Variants in MRI1 observed in about 807,000 individuals in gnomAD.
MRI1 encodes the protein methylthioribose-1-phosphate isomerase.
In MRI1, 32 loss-of-function variants were observed where a neutral mutation model predicts 27.3. The observed-to-expected ratio is 1.17, with a 90% CI of 0.88 to 1.57. The LOEUF (loss-of-function observed/expected upper bound fraction) is 1.57. Among genes scored for constraint, MRI1 ranks in the 40% most tolerant of loss-of-function variants. The probability of loss-of-function intolerance (pLI) is 0.00; values close to 1 mark genes in which losing one functional copy is unlikely to be tolerated. For synonymous variants in MRI1, 216 were observed against 227.4 expected, an observed-to-expected ratio of 0.95 and a Z score of 0.45; for missense variants, 508 against 516.1, an observed-to-expected ratio of 0.98 and a Z score of 0.15.
At position 13,767,025 on chromosome 19, in the gene MRI1, ATATATATATATATTTTTTTTTTTTTTTT is replaced by A. The variant is rs1406055078; in HGVS notation, c.547+898_547+925del. Among the ~76,000 whole-genome samples, 31 of 13,722 alleles carry A rather than the reference ATATATATATATATTTTTTTTTTTTTTTT, an allele frequency of 2.3e-3. 1 individual carries two copies. Among genetic ancestry groups the A allele is most frequent in the South Asian group, 3.4e-3 (1 of 298 alleles). The allele number at this position is 13,722 out of a possible 152,430, so 9.0% of individuals were successfully genotyped here. On this transcript the variant is annotated intron_variant, in intron 3 of 5. Coordinates refer to ENST00000040663, the MANE Select transcript of MRI1 (RefSeq NM_001031727.4). ...CACATCCACATATATATATATATAT[ATATATATATATATTTTTTTTTTTTTTTT>A]TTTTTTTTTTTTTGAGACAGAGTCT...
chr19:13,765,895 G>A, intron 2 of MRI1, 59 bp from the exon 3 acceptor site: 1 of 1,525,866 alleles, frequency 6.6e-7, no homozygotes, highest in Non-Finnish European at 8.9e-7. Flanking sequence ...GCAGAGAGGA[G>A]GCGTTGGCCT....
intron 5 of MRI1, among the ~76,000 whole-genome samples, chr19:13,769,292 T>C (rs1476869809): frequency 6.6e-6 from 1 of 152,180 alleles, no homozygotes; most frequent in Non-Finnish European, 1.5e-5. Context: ...GCCCCCCAAG[T>C]AGCTGGGACT....
intron 3 of MRI1, among the ~76,000 whole-genome samples, chr19:13,767,029 ATATATATATTTTTTTTTTTTTTT>A (rs1974144431): frequency 4.7e-5 from 2 of 42,260 alleles, no homozygotes; most frequent in African/African-American, 1.2e-4. Flanking sequence ...ATATATATAT[ATATATATATTTTTTTTTTTTTTT>A]TTTTTTTTTT....
rs143669512 is a variant in MRI1 at position 13,766,056 on chromosome 19, C to T, written c.474C>T (p.Ser158=). The T allele has an allele frequency of 5.6e-4, 906 of 1,612,932 alleles. 1 individual carries two copies. The highest frequency in any genetic ancestry group is 6.7e-4 in the Non-Finnish European group (790 of 1,179,782). Residue 158 remains serine, a synonymous_variant, in exon 3 of 6, where the codon AGC becomes AGT. Transcript: ENST00000040663. ...ACCTCCTGGAGCGGGTGGCCCCCAG[C>T]GGTGGCAAGGTGACTGTGCTGACCC... The part of the protein sequence containing the change: ...ARHLLERVAP[S]GGKVTVLTHC...
chr19:13,767,752 CAG>C (rs1974169542), intron 3 of MRI1, among the ~76,000 whole-genome samples: 1 of 151,632 alleles, frequency 6.6e-6, no homozygotes, highest in Non-Finnish European at 1.5e-5. Flanking sequence ...ATTTTGGAGA[CAG>C]AGTCTTGCTC....
At chr19:13,771,367 C>G (rs1974265246) in intron 5 of MRI1, among the ~76,000 whole-genome samples, 1 of 151,040 alleles carries the variant, frequency 6.6e-6, no homozygotes, top group Admixed American at 6.6e-5. Flanking sequence ...AACTCCATCT[C>G]AAAAAAACAA....
chr19:13,770,762 A>C (rs563144743), intron 5 of MRI1, among the ~76,000 whole-genome samples: 3 of 152,230 alleles, frequency 2.0e-5, no homozygotes, highest in African/African-American at 7.2e-5. Context: ...ACATGCCTGT[A>C]ACCCCAGCTA....
Position 13,768,591 on chromosome 19 carries a change from G to T in MRI1, c.578G>T (p.Arg193Leu). ...ATTCGCTCACTGCACAGCCTGGGCC[G>T]CCTGGAGCATGCCTTCTGCACAGAG... ...GVIRSLHSLG[R>L]LEHAFCTETR... Residue 193 changes from arginine (R) to leucine (L), a missense_variant, in exon 4 of 6, where the codon CGC (arginine) becomes CTC (leucine). Coordinates refer to ENST00000040663, the MANE Select transcript of MRI1 (RefSeq NM_001031727.4). The T allele has an allele frequency of 6.2e-7, 1 of 1,610,320 alleles. No individual in the cohort carries two copies. The highest frequency in any genetic ancestry group is 2.2e-5 in the East Asian group (1 of 44,714).
chr19:13,768,660 T>C lies in MRI1; in HGVS notation c.647T>C (p.Leu216Pro). 2 of 1,613,946 alleles carry C rather than the reference T, an allele frequency of 1.2e-6. No individual in the cohort carries two copies. Among genetic ancestry groups the C allele is most frequent in the Non-Finnish European group, 1.7e-6 (2 of 1,180,006 alleles). ...GGAGCCCGGCTGACGGCCTTTGAGC[T>C]GGTCTATGAGCAGATCCCCGCCACC... ...NQGARLTAFE[L>P]VYEQIPATLI... The change falls in exon 4 of 6, where the codon CTG becomes CCG. Residue 216 changes from leucine (L) to proline (P), a missense_variant. Transcript: ENST00000040663.
At position 13,772,210 on chromosome 19, in the gene MRI1, GA is replaced by G. The variant is rs781400418; in HGVS notation, c.1040del (p.Glu347GlyfsTer7). On this transcript the variant is annotated frameshift_variant, in exon 6 of 6. Transcript: ENST00000040663. LOFTEE classifies it low-confidence loss of function (END_TRUNC). ...CACAGAACTGGGGGTCTTTGCCCCT[GA>G]GGAGCTCCGGACAGCCCTAACCACC... ...IITELGVFAP[E>X]ELRTALTTTI... 287 of 1,614,108 alleles carry G rather than the reference GA, an allele frequency of 1.8e-4. 5 individuals carry two copies. The South Asian group carries it at 3.1e-3, about 17-fold the overall frequency.
chr19:13,764,668 A>G lies in MRI1; in HGVS notation c.80A>G (p.Tyr27Cys). ...CTGCTGCTGCCCAAGCAGAGCCGCT[A>G]CGAGGCGGTGGGCTCGGTGCACCAG... ...DQLLLPKQSR[Y>C]EAVGSVHQAW... The change falls in exon 1 of 6, where the codon TAC (tyrosine) becomes TGC (cysteine). Residue 27 changes from tyrosine to cysteine, a missense_variant. Coordinates refer to ENST00000040663, the MANE Select transcript of MRI1 (RefSeq NM_001031727.4). 1 of 1,599,268 alleles carries G rather than the reference A, an allele frequency of 6.3e-7. No homozygotes were observed. The highest frequency in any genetic ancestry group is 8.5e-7 in the Non-Finnish European group (1 of 1,175,712).
At chr19:13,765,146 G>C (rs1319406264) in intron 2 of MRI1, 37 bp downstream of exon 2, 1 of 1,447,580 alleles carries the variant, frequency 6.9e-7, no homozygotes, top group Non-Finnish European at 9.2e-7. Flanking sequence ...CGCTGAGCAG[G>C]AATTATATTG....
intron 1 of MRI1, 40 bp from the exon 2 acceptor site, chr19:13,764,831 C>G: frequency 7.8e-7 from 1 of 1,276,694 alleles, no homozygotes; most frequent in Non-Finnish European, 9.9e-7. Flanking sequence ...GGAGTGCGCC[C>G]GCGCCTGCAG....
In MRI1 at chr19:13,772,124, T is replaced by C. The variant is rs762769171; in HGVS notation, c.953T>C (p.Ile318Thr). 8 of 1,612,118 alleles carry C rather than the reference T, an allele frequency of 5.0e-6. No homozygotes were observed. The highest frequency in any genetic ancestry group is 2.2e-5 in the South Asian group (2 of 90,758). The change falls in exon 6 of 6, where the codon ATT (isoleucine) becomes ACT (threonine). Residue 318 changes from isoleucine to threonine, a missense_variant. Physicochemically the swap from Ile to Thr is moderately conservative, Grantham distance 89. This residue lies in a region of MRI1 where 457 missense variants were observed against 452.8 expected (regional missense o/e 1.01). Coordinates refer to ENST00000040663, the MANE Select transcript of MRI1 (RefSeq NM_001031727.4). ...VNGVRIAAPGIGVWNPAFDVT... is the reference protein window; with the variant it reads ...VNGVRIAAPGTGVWNPAFDVT... ...GCCTCCCCTCTCTCCCCTGCAGGGA[T>C]TGGAGTTTGGAATCCTGCCTTCGAT...
At chr19:13,768,271 C>A in intron 3 of MRI1, 1 of 749,900 alleles carries the variant, frequency 1.3e-6, no homozygotes. Flanking sequence ...ATGCTAAGGA[C>A]AGAGAGCAGG....
intron 3 of MRI1, among the ~76,000 whole-genome samples, chr19:13,768,150 G>C (rs553001835): frequency 5.3e-5 from 8 of 152,070 alleles, no homozygotes; most frequent in African/African-American, 1.9e-4. Flanking sequence ...TTACAGGCGT[G>C]AGCCACCACG....
chr19:13,766,025 C>A lies in MRI1; in HGVS notation c.443C>A (p.Ala148Asp). 6.2e-7 allele frequency: 1 copy of A among 1,613,262 alleles called. No individual in the cohort carries two copies. The highest frequency in any genetic ancestry group is 1.1e-5 in the South Asian group (1 of 91,040). The change falls in exon 3 of 6, where the codon GCC (alanine) becomes GAC (aspartate). Residue 148 changes from alanine (A) to aspartate (D), a missense_variant. Transcript: ENST00000040663. ...RDNRSIGDLG[A>D]RHLLERVAPS... ...AACCGAAGCATTGGGGACCTAGGAG[C>A]CCGCCACCTCCTGGAGCGGGTGGCC...
At chr19:13,771,722 G>A (rs1438257273) in intron 5 of MRI1, among the ~76,000 whole-genome samples, 1 of 151,972 alleles carries the variant, frequency 6.6e-6, no homozygotes, top group Non-Finnish European at 1.5e-5. Flanking sequence ...TGGGCATGGT[G>A]GTGCATGCCT....
At position 13,769,017 on chromosome 19, in the gene MRI1, C is replaced by G; in HGVS notation, c.918C>G (p.Thr306=). Residue 306 remains threonine, a synonymous_variant, in exon 5 of 6, where the codon ACC becomes ACG. Transcript: ENST00000040663. ...IIEERPGQEL[T]DVNGVRIAAP... ...AAGAGCGACCGGGCCAGGAGCTGAC[C>G]GATGTTAATGGGGTCCGGATTGCAG... is the stretch of plus-strand genomic sequence containing the variant. The G allele has an allele frequency of 6.2e-7, 1 of 1,613,330 alleles. No homozygotes were observed. The highest frequency in any genetic ancestry group is 2.2e-5 in the East Asian group (1 of 44,864).
Sources: gnomAD v4.1 joint callset for allele counts (sites outside exome capture counted in the v4.1 genomes callset) on GRCh38, gnomAD v4.1.1 for gene constraint, gnomAD v4.1.1 regional missense constraint, MANE v1.5 for transcripts, NCBI Gene and HGNC (gene_info 2026-07-23, HGNC 2026-07-21) for gene names.